DST: variants seen among roughly 807,000 people sequenced by gnomAD.
DST encodes the protein dystonin, also known as bullous pemphigoid antigen.
DST carries 253 observed loss-of-function variants against 875.2 expected under a neutral mutation model. That is an observed-to-expected ratio of 0.29 (90% CI 0.26 to 0.32). The LOEUF is 0.32. Among genes scored for constraint, DST ranks in the 10% least tolerant of loss-of-function variants. DST has a pLI of 1.00. For synonymous variants in DST, 3,124 were observed against 3,197.1 expected (o/e 0.98, Z 0.77); for missense variants, 8,287 against 9,111.6 (o/e 0.91, Z 3.68).
Position 56,614,300 on chromosome 6 carries a change from C to T in DST, c.5058+56G>A, listed in dbSNP as rs1359445262. ...CATTGTGCTAGGTAAACTGTGTCAA[C>T]TCAGTTAACGTCCCTGCTATTATTA... On this transcript the variant is annotated intron_variant, in intron 37 of 103. Coordinates refer to ENST00000680361, the MANE Select transcript of DST (RefSeq NM_001374736.1). The T allele has an allele frequency of 4.7e-6, 7 of 1,485,532 alleles. No homozygotes were observed. The East Asian group carries it at 1.4e-4, about 31-fold the overall frequency. The allele number at this position is 1,485,532 out of a possible 1,614,324, so 92.0% of individuals were successfully genotyped here. A position where few individuals can be genotyped will look rare whatever the true frequency, so the allele number is the denominator to read the frequency against.
Position 56,843,057 on chromosome 6 carries a change from T to C in DST, c.625+8340A>G, listed in dbSNP as rs376865259. The C allele has an allele frequency of 2.8e-5, 43 of 1,519,298 alleles. No homozygotes were observed. The African/African-American group carries it at 5.1e-4, about 18-fold the overall frequency. 94.1% of individuals were successfully genotyped at this position (1,519,298 alleles called of 1,614,324 possible). On this transcript the variant is annotated intron_variant, in intron 4 of 103. Coordinates refer to ENST00000680361, the MANE Select transcript of DST (RefSeq NM_001374736.1). ...GCCCCAGGGCAGGGACCACATACCT[T>C]TGTACCTCTCCAGGACATCCTCGTA... is the stretch of plus-strand genomic sequence containing the variant.
intron 4 of DST, among the ~76,000 whole-genome samples, chr6:56,848,804 G>A (rs1477577295): frequency 6.6e-6 from 1 of 152,120 alleles, no homozygotes; most frequent in Non-Finnish European, 1.5e-5. Flanking sequence ...GGAGGCTGAG[G>A]TGGGTGGATC....
At chr6:56,524,312 T>G (rs1432360411) in intron 69 of DST, among the ~76,000 whole-genome samples, 1 of 152,156 alleles carries the variant, frequency 6.6e-6, no homozygotes, top group Non-Finnish European at 1.5e-5. Flanking sequence ...ATCCTTTTAG[T>G]GTTGTATCCT....
intron 50 of DST, among the ~76,000 whole-genome samples, chr6:56,575,425 A>G (rs1231561676): frequency 6.6e-6 from 1 of 152,210 alleles, no homozygotes; most frequent in Non-Finnish European, 1.5e-5. Context: ...TCTGAATGGC[A>G]GCTTGAAGTT....
In DST at chr6:56,631,959, C is replaced by A. The variant is rs775800563; in HGVS notation, c.3887G>T (p.Arg1296Leu). The change falls in exon 29 of 104, where the codon CGG (arginine) becomes CTG (leucine). Residue 1296 changes from arginine (R) to leucine (L), a missense_variant. This residue lies in a region of DST where 3,138 missense variants were observed against 3,116.6 expected (regional missense o/e 1.01). Coordinates refer to ENST00000680361, the MANE Select transcript of DST (RefSeq NM_001374736.1). ...GGGAGTTCGAATCTGTCTAATCAGCCGATCTTCACAGTTCTCTAACCGAAG... is the reference window on the plus strand; with the variant it reads ...GGGAGTTCGAATCTGTCTAATCAGCAGATCTTCACAGTTCTCTAACCGAAG... ...IRLRLENCEDRLIRQIRTPLE... is the reference protein window; with the variant it reads ...IRLRLENCEDLLIRQIRTPLE... 1.2e-6 allele frequency: 2 copies of A among 1,613,588 alleles called. No homozygotes were observed. The highest frequency in any genetic ancestry group is 1.7e-6 in the Non-Finnish European group (2 of 1,179,588).
chr6:56,634,694 T>C (rs1348321589), intron 25 of DST, 78 bp from the exon 26 acceptor site: 35 of 1,607,398 alleles, frequency 2.2e-5, no homozygotes, highest in African/African-American at 4.0e-5. Flanking sequence ...GGGATTTTTT[T>C]TGTTTTATGA....
At chr6:56,551,965 G>A (rs1282104376) in intron 61 of DST, among the ~76,000 whole-genome samples, 3 of 152,134 alleles carry the variant, frequency 2.0e-5, no homozygotes. Flanking sequence ...CCTTTGGTCT[G>A]ATTTTATCTC....
intron 49 of DST, among the ~76,000 whole-genome samples, chr6:56,591,662 T>C (rs1240373123): frequency 1.3e-5 from 2 of 152,216 alleles, no homozygotes; most frequent in Middle Eastern, 3.4e-3. Flanking sequence ...ATAACAGCAA[T>C]GTCAAACCTG....
At chr6:56,464,380 A>T (rs2094480029) in intron 100 of DST, 1 of 399,386 alleles carries the variant, frequency 2.5e-6, no homozygotes, top group African/African-American at 2.0e-5. Context: ...AGACCCAAGG[A>T]TCTGTGAGGT....
intron 91 of DST, 29 bp downstream of exon 91, chr6:56,477,316 A>G (rs2095241886): frequency 3.1e-6 from 5 of 1,606,540 alleles, no homozygotes; most frequent in East Asian, 2.2e-5. Flanking sequence ...AGCTATTGCT[A>G]CTCTGAAGAT....
chr6:56,507,102 T>C (rs1050420908), intron 75 of DST, among the ~76,000 whole-genome samples: 2 of 152,138 alleles, frequency 1.3e-5, no homozygotes, highest in Non-Finnish European at 2.9e-5. Context: ...GACATTTTGG[T>C]TTCCAAACCA....
At position 56,608,902 on chromosome 6, in the gene DST, T is replaced by C; in HGVS notation, c.5726A>G (p.Lys1909Arg). Residue 1909 changes from lysine to arginine, a missense_variant, in exon 40 of 104, where the codon AAA (lysine) becomes AGA (arginine). Lys to Arg is a conservative substitution (Grantham distance 26). Transcript: ENST00000680361. ...GCACATATTTTGCCTTTCCAGAACTTTAGAAAATAATGCTGAGGAAACCAA... is the reference window on the plus strand; with the variant it reads ...GCACATATTTTGCCTTTCCAGAACTCTAGAAAATAATGCTGAGGAAACCAA... The part of the protein sequence containing the change: ...QNLVSSALFS[K>R]VLERQNMCKD... 6.2e-7 allele frequency: 1 copy of C among 1,613,720 alleles called. No individual in the cohort carries two copies. The highest frequency in any genetic ancestry group is 8.5e-7 in the Non-Finnish European group (1 of 1,179,782).
At chr6:56,908,178 C>G (rs971361664) in intron 2 of DST, among the ~76,000 whole-genome samples, 3 of 151,502 alleles carry the variant, frequency 2.0e-5, no homozygotes, top group Admixed American at 6.6e-5. Context: ...TATAAATTTA[C>G]CATATGTAAA....
At chr6:56,567,799 C>T (rs2097707340) in intron 55 of DST, among the ~76,000 whole-genome samples, 1 of 152,140 alleles carries the variant, frequency 6.6e-6, no homozygotes, top group Admixed American at 6.6e-5. Flanking sequence ...GAGCTGCCTT[C>T]TGCCCATTAT....
At chr6:56,848,777 G>A (rs373102757) in intron 4 of DST, among the ~76,000 whole-genome samples, 7 of 152,264 alleles carry the variant, frequency 4.6e-5, no homozygotes, top group African/African-American at 1.7e-4. Context: ...GCTCACGCCT[G>A]TAATCCTAGC....
At chr6:56,934,296 A>G (rs1173106343) in intron 2 of DST, among the ~76,000 whole-genome samples, 2 of 151,838 alleles carry the variant, frequency 1.3e-5, no homozygotes, top group East Asian at 3.9e-4. Context: ...GGCTAATAGA[A>G]TCTGCCCATC....
chr6:56,581,511 C>CT (rs2152647860), intron 49 of DST, among the ~76,000 whole-genome samples: 2 of 152,278 alleles, frequency 1.3e-5, no homozygotes, highest in East Asian at 3.9e-4. Context: ...CCGCGTATCT[C>CT]TGAGTGAACA....
intron 68 of DST, 96 bp downstream of exon 68, chr6:56,527,397 A>G (rs2096822540): frequency 7.0e-7 from 1 of 1,437,378 alleles, no homozygotes; most frequent in African/African-American, 1.4e-5. Flanking sequence ...CCTTCAGCAT[A>G]TGTAATGACA....
chr6:56,600,841 A>G (rs2098439541), intron 44 of DST, among the ~76,000 whole-genome samples: 1 of 152,084 alleles, frequency 6.6e-6, no homozygotes, highest in African/African-American at 2.4e-5. Context: ...TACACTAATT[A>G]TTCATCTTAT....
Sources: allele counts gnomAD v4.1 joint callset (sites outside exome capture counted in the v4.1 genomes callset), GRCh38; gene constraint gnomAD v4.1.1; regional missense constraint gnomAD v4.1.1; transcripts MANE v1.5; gene names NCBI Gene and HGNC (gene_info 2026-07-23, HGNC 2026-07-21).